HFM1: variants seen among roughly 807,000 people sequenced by gnomAD.
The protein encoded by HFM1 is probable ATP-dependent DNA helicase HFM1.
In HFM1, 169 loss-of-function variants were observed where a neutral mutation model predicts 192.1. The ratio of observed to expected loss-of-function variants is 0.88; its 90% confidence interval spans 0.78 to 1.00. HFM1 has a LOEUF of 1.00. HFM1 is among the 50% of genes least tolerant of loss of function. HFM1 has a pLI of 0.00. For synonymous variants in HFM1, 525 were observed against 537.8 expected, an observed-to-expected ratio of 0.98 and a Z score of 0.33; for missense variants, 1,661 against 1,668.0, an observed-to-expected ratio of 1.00 and a Z score of 0.07.
chr1:91,284,427 T>C (rs940954435), intron 30 of HFM1, among the ~76,000 whole-genome samples: 2 of 151,986 alleles, frequency 1.3e-5, no homozygotes, highest in African/African-American at 2.4e-5. Context: ...AATTTTTGTA[T>C]TTTTAGTAGA....
At chr1:91,291,040 A>G (rs557280310) in intron 30 of HFM1, among the ~76,000 whole-genome samples, 43 of 152,294 alleles carry the variant, frequency 2.8e-4, no homozygotes, top group African/African-American at 9.4e-4. Flanking sequence ...TCTCTGGGAC[A>G]CATTCAAAGC....
At chr1:91,369,044 G>C (rs1484729858) in intron 13 of HFM1, among the ~76,000 whole-genome samples, 1 of 152,094 alleles carries the variant, frequency 6.6e-6, no homozygotes, top group Non-Finnish European at 1.5e-5. Flanking sequence ...AACAAGAAGA[G>C]CTAACTATCC....
chr1:91,348,563 T>A (rs1656465268), intron 18 of HFM1, among the ~76,000 whole-genome samples: 2 of 152,118 alleles, frequency 1.3e-5, no homozygotes, highest in Admixed American at 6.5e-5. Flanking sequence ...TAAATGTCCA[T>A]CAATTGGGGA....
intron 13 of HFM1, among the ~76,000 whole-genome samples, chr1:91,374,704 T>C (rs1276368941): frequency 6.6e-6 from 1 of 152,094 alleles, no homozygotes; most frequent in Non-Finnish European, 1.5e-5. Context: ...CATAGTGAGT[T>C]TGAGATAACT....
chr1:91,329,568 G>T, intron 20 of HFM1: 1 of 1,262,990 alleles, frequency 7.9e-7, no homozygotes, highest in South Asian at 1.5e-5. Context: ...TTGCCCTCTT[G>T]TACCCTTAAG....
At chr1:91,400,907 C>A in intron 2 of HFM1, 105 bp downstream of exon 2, 1 of 546,664 alleles carries the variant, frequency 1.8e-6, no homozygotes, top group Non-Finnish European at 3.2e-6. Flanking sequence ...TCTGTTGATT[C>A]CTCATTTTTA....
At chr1:91,374,504 A>G (rs1306120965) in intron 13 of HFM1, among the ~76,000 whole-genome samples, 1 of 152,182 alleles carries the variant, frequency 6.6e-6, no homozygotes, top group Non-Finnish European at 1.5e-5. Flanking sequence ...ATGGAGACAA[A>G]ATGACATATT....
chr1:91,300,899 A>G (rs1447460862), intron 30 of HFM1, among the ~76,000 whole-genome samples: 1 of 151,956 alleles, frequency 6.6e-6, no homozygotes, highest in African/African-American at 2.4e-5. Context: ...CTCTCTCACC[A>G]CTCCTATTCA....
intron 23 of HFM1, among the ~76,000 whole-genome samples, chr1:91,322,249 G>A (rs1289579577): frequency 6.6e-6 from 1 of 152,174 alleles, no homozygotes; most frequent in Non-Finnish European, 1.5e-5. Context: ...TTAATGAGAT[G>A]TCAGGAAGAA....
At chr1:91,310,417 C>A (rs1348170056) in intron 30 of HFM1, among the ~76,000 whole-genome samples, 1 of 152,070 alleles carries the variant, frequency 6.6e-6, no homozygotes, top group African/African-American at 2.4e-5. Context: ...TGAAAAATTC[C>A]CATAATAAAA....
At chr1:91,383,446 T>C (rs543056301) in intron 6 of HFM1, among the ~76,000 whole-genome samples, 70 of 152,300 alleles carry the variant, frequency 4.6e-4, no homozygotes, top group African/African-American at 1.7e-3. Flanking sequence ...TGTTTATAGT[T>C]ACTATATCAA....
At chr1:91,304,530 G>A (rs1030648447) in intron 30 of HFM1, among the ~76,000 whole-genome samples, 9 of 151,900 alleles carry the variant, frequency 5.9e-5, no homozygotes, top group African/African-American at 9.7e-5. Context: ...GCAATGGAGC[G>A]ATCTTGGCTC....
chr1:91,346,881 G>C (rs1169764827), intron 19 of HFM1, among the ~76,000 whole-genome samples: 4 of 152,118 alleles, frequency 2.6e-5, no homozygotes, highest in Non-Finnish European at 5.9e-5. Context: ...TCAGTGTTTT[G>C]GAAGGCAGAG....
intron 4 of HFM1, among the ~76,000 whole-genome samples, chr1:91,392,681 A>T (rs557143731): frequency 9.8e-5 from 15 of 152,310 alleles, no homozygotes; most frequent in Middle Eastern, 3.4e-3. Flanking sequence ...CCAACATGGC[A>T]CATGTATACA....
At chr1:91,280,277 G>C (rs530918249) in intron 30 of HFM1, among the ~76,000 whole-genome samples, 1 of 152,122 alleles carries the variant, frequency 6.6e-6, no homozygotes, top group Non-Finnish European at 1.5e-5. Context: ...CAGGCAGAGG[G>C]GATAGCATAT....
At chr1:91,343,918 C>G (rs1351804906) in intron 19 of HFM1, among the ~76,000 whole-genome samples, 1 of 152,086 alleles carries the variant, frequency 6.6e-6, no homozygotes, top group Admixed American at 6.6e-5. Flanking sequence ...TGCTATCTGC[C>G]CTCCATTAAG....
intron 30 of HFM1, among the ~76,000 whole-genome samples, chr1:91,279,679 C>T (rs1053883011): frequency 6.6e-6 from 1 of 152,136 alleles, no homozygotes; most frequent in Admixed American, 6.6e-5. Context: ...AGCTTTGATA[C>T]TATCTCTTGT....
intron 20 of HFM1, chr1:91,329,219 G>C (rs1653432976): frequency 6.2e-6 from 10 of 1,609,600 alleles, no homozygotes; most frequent in Non-Finnish European, 7.6e-6. Flanking sequence ...AGGCTTACCA[G>C]CTCTTCTTGG....
At chr1:91,337,751 A>T (rs1180742444) in intron 20 of HFM1, among the ~76,000 whole-genome samples, 1 of 152,224 alleles carries the variant, frequency 6.6e-6, no homozygotes, top group Non-Finnish European at 1.5e-5. Context: ...ATAAGAAATC[A>T]TGTGAGCACA....
Sources: gnomAD v4.1 joint callset for allele counts (sites outside exome capture counted in the v4.1 genomes callset) on GRCh38, gnomAD v4.1.1 for gene constraint, MANE v1.5 for transcripts, NCBI Gene and HGNC (gene_info 2026-07-23, HGNC 2026-07-21) for gene names.